The following ZNF333 variants were observed in gnomAD, a reference collection of about 807,000 sequenced individuals.
ZNF333 encodes the protein zinc finger protein 333.
Under a neutral mutation model 76.1 loss-of-function variants are expected in ZNF333, and 61 were observed. The ratio of observed to expected loss-of-function variants is 0.80; its 90% CI spans 0.65 to 0.99. ZNF333 has a LOEUF of 0.99. Ranked by LOEUF, ZNF333 falls within the 50% of genes least tolerant of loss-of-function variation. The pLI, the probability that ZNF333 is intolerant of heterozygous loss-of-function variation, is 0.00. For synonymous variants in ZNF333, 284 were observed against 305.0 expected (o/e 0.93, Z 0.72); for missense variants, 717 against 822.4 (o/e 0.87, Z 1.57).
intron 11 of ZNF333, among the ~76,000 whole-genome samples, chr19:14,726,911 C>G (rs2042636008): frequency 6.6e-6 from 1 of 152,020 alleles, no homozygotes; most frequent in African/African-American, 2.4e-5. Flanking sequence ...CAACTTCTGC[C>G]TGTTACACAG....
In ZNF333 at chr19:14,718,293, T is replaced by C. The variant is rs541596396; in HGVS notation, c.966T>C (p.Ile322=). 16 of 1,614,204 alleles carry C rather than the reference T, an allele frequency of 9.9e-6. No individual in the cohort carries two copies. Among genetic ancestry groups the C allele is most frequent in the Middle Eastern group, 1.6e-4 (1 of 6,062 alleles). Residue 322 remains isoleucine, a synonymous_variant, in exon 12 of 12, where the codon ATT becomes ATC. Transcript: ENST00000292530. ...YNELEKPFNS[I]EPLFQYQRIH... ...AACTTGAGAAACCTTTTAACAGCAT[T>C]GAACCACTTTTCCAGTACCAGAGAA...
At chr19:14,701,701 A>G in intron 5 of ZNF333, 1 of 984,948 alleles carries the variant, frequency 1.0e-6, no homozygotes, top group South Asian at 4.7e-5. Flanking sequence ...CCTCCACAGA[A>G]CTCCACACCC....
chr19:14,726,608 C>T (rs2042634207), downstream of ZNF333, among the ~76,000 whole-genome samples: 1 of 152,200 alleles, frequency 6.6e-6, no homozygotes, highest in Non-Finnish European at 1.5e-5. Flanking sequence ...TCCTTGAACA[C>T]TTTGCTGCTT....
chr19:14,702,552 G>A (rs2041987425), intron 5 of ZNF333, among the ~76,000 whole-genome samples: 1 of 152,118 alleles, frequency 6.6e-6, no homozygotes, highest in South Asian at 2.1e-4. Context: ...CCCCAAGGGA[G>A]GCTGAGGAAC....
At chr19:14,708,101 G>A (rs149406567) in intron 7 of ZNF333, 73 of 389,842 alleles carry the variant, frequency 1.9e-4, no homozygotes, top group Non-Finnish European at 2.8e-4. Flanking sequence ...TCTGCCTCCC[G>A]GGTTCAAGCG....
At chr19:14,694,387 C>T (rs571314177) in intron 2 of ZNF333, among the ~76,000 whole-genome samples, 5 of 151,932 alleles carry the variant, frequency 3.3e-5, no homozygotes, top group African/African-American at 4.8e-5. Context: ...GTAGGAAAAT[C>T]GCTTGAACCC....
chr19:14,699,102 G>A, intron 4 of ZNF333, 97 bp from the exon 5 acceptor site: 3 of 918,346 alleles, frequency 3.3e-6, no homozygotes, highest in Non-Finnish European at 5.3e-6. Flanking sequence ...TGTGTATAGT[G>A]TGTATATATA....
At chr19:14,723,001 T>C (rs1234859451), downstream of ZNF333, among the ~76,000 whole-genome samples, 2 of 152,248 alleles carry the variant, frequency 1.3e-5, no homozygotes, top group Non-Finnish European at 2.9e-5. Flanking sequence ...TTAGCCAGGA[T>C]GGTCTTGATC....
chr19:14,710,326 G>A (rs1421861936), intron 7 of ZNF333, among the ~76,000 whole-genome samples: 1 of 152,254 alleles, frequency 6.6e-6, no homozygotes. Flanking sequence ...GCCATTAGGA[G>A]TAGAATGGTG....
intron 4 of ZNF333, among the ~76,000 whole-genome samples, chr19:14,698,899 G>GATAGATATATAT (rs1973442578): frequency 7.5e-6 from 1 of 132,710 alleles, no homozygotes; most frequent in African/African-American, 2.8e-5. Flanking sequence ...CACAAATATA[G>GATAGATATATAT]ATATATATAT....
chr19:14,696,372 C>T (rs1336594544), intron 4 of ZNF333, among the ~76,000 whole-genome samples: 1 of 152,132 alleles, frequency 6.6e-6, no homozygotes, highest in African/African-American at 2.4e-5. Flanking sequence ...CCCTGGCAGC[C>T]ACTAATCTGC....
rs1437257272 is a variant in ZNF333, at chr19:14,690,101, GCGGCGCGGTGCGGCA to G, written c.-86_-72del. 2.0e-5 allele frequency: 3 copies of G among 151,384 alleles called. No homozygotes were observed. The highest frequency in any genetic ancestry group is 4.4e-5 in the Non-Finnish European group (3 of 68,056). The allele number at this position is 151,384 out of a possible 1,614,324, so 9.4% of individuals were successfully genotyped here. A position where few individuals can be genotyped will look rare whatever the true frequency, so the allele number is the denominator to read the frequency against. ...CGGCGGCTGAGCTGTGCTGCGCGGC[GCGGCGCGGTGCGGCA>G]CGGCACGGTGGGAGTGTCTCCGGCT... On this transcript the variant is annotated 5_prime_UTR_variant, in exon 1 of 12. Coordinates refer to ENST00000292530, the MANE Select transcript of ZNF333 (RefSeq NM_032433.4).
At chr19:14,716,027 T>A (rs2042418957) in intron 8 of ZNF333, 85 bp from the exon 9 acceptor site, 1 of 1,578,742 alleles carries the variant, frequency 6.3e-7, no homozygotes, top group Admixed American at 1.8e-5. Context: ...GGGTTTTCCC[T>A]TCCCCAGGCT....
chr19:14,715,338 G>A, intron 7 of ZNF333, 44 bp from the exon 8 acceptor site: 2 of 1,589,694 alleles, frequency 1.3e-6, no homozygotes, highest in Non-Finnish European at 1.7e-6. Context: ...AGTGTGCCCA[G>A]TAGGCCAGGC....
chr19:14,704,540 G>A (rs886399972), intron 5 of ZNF333, among the ~76,000 whole-genome samples: 1 of 152,184 alleles, frequency 6.6e-6, no homozygotes, highest in Non-Finnish European at 1.5e-5. Flanking sequence ...TTACAAAAGA[G>A]AAAGGTTTAA....
At chr19:14,695,444 C>A in intron 3 of ZNF333, 122 bp from the exon 4 acceptor site, 2 of 995,886 alleles carry the variant, frequency 2.0e-6, no homozygotes, top group Non-Finnish European at 1.5e-6. Flanking sequence ...ATCACACTTG[C>A]TCAGCCCAGA....
chr19:14,720,416 G>C lies in ZNF333; in HGVS notation c.*1091G>C. 2 of 985,342 alleles carry C rather than the reference G, an allele frequency of 2.0e-6. No homozygotes were observed. Among genetic ancestry groups the C allele is most frequent in the Non-Finnish European group, 2.4e-6 (2 of 829,920 alleles). 61.0% of individuals were successfully genotyped at this position (985,342 alleles called of 1,614,324 possible). A position where few individuals can be genotyped will look rare whatever the true frequency, so the allele number is the denominator to read the frequency against. ...AGAGGAGCCCTCCTGTGACCATAAG[G>C]GTAAAAGCCGCAAGCTAAGAAGAGG... On this transcript the variant is annotated 3_prime_UTR_variant, in exon 12 of 12. Coordinates refer to ENST00000292530, the MANE Select transcript of ZNF333 (RefSeq NM_032433.4).
intron 11 of ZNF333, among the ~76,000 whole-genome samples, chr19:14,726,934 T>C (rs372178202): frequency 3.9e-5 from 6 of 152,270 alleles, no homozygotes; most frequent in African/African-American, 1.4e-4. Context: ...CTAAAGCTGC[T>C]TTCACATTTT....
intron 4 of ZNF333, among the ~76,000 whole-genome samples, chr19:14,696,346 T>C (rs920623210): frequency 6.6e-6 from 1 of 152,082 alleles, no homozygotes; most frequent in Non-Finnish European, 1.5e-5. Flanking sequence ...TTACTCCCCA[T>C]TACCCCTCCC....
Sources: allele counts gnomAD v4.1 joint callset (sites outside exome capture counted in the v4.1 genomes callset), GRCh38; gene constraint gnomAD v4.1.1; transcripts MANE v1.5; gene names NCBI Gene and HGNC (gene_info 2026-07-23, HGNC 2026-07-21).